ABCB4: variants seen among roughly 807,000 people sequenced by gnomAD.
ABCB4 encodes the protein phosphatidylcholine translocator ABCB4.
In ABCB4, 76 loss-of-function variants were observed where a neutral mutation model predicts 145.7. The ratio of observed to expected loss-of-function variants is 0.52; its 90% CI spans 0.43 to 0.63. ABCB4 has a LOEUF of 0.63. Ranked by LOEUF, ABCB4 falls within the 30% of genes least tolerant of loss-of-function variation. The probability of loss-of-function intolerance (pLI) is 0.00; values close to 1 mark genes in which losing one functional copy is unlikely to be tolerated. For synonymous variants in ABCB4, 517 were observed against 566.8 expected, an observed-to-expected ratio of 0.91 and a Z score of 1.25; for missense variants, 1,234 against 1,553.1, an observed-to-expected ratio of 0.79 and a Z score of 3.45.
chr7:87,370,307 C>T, the ABCB4 span, among the ~76,000 whole-genome samples: 5 of 152,248 alleles, frequency 3.3e-5, no homozygotes, highest in African/African-American at 9.6e-5. Flanking sequence ...CTCAGCCTCC[C>T]AAGTAGCTAG....
chr7:87,470,918 A>G (rs1034854222), intron 3 of ABCB4, among the ~76,000 whole-genome samples: 1 of 152,196 alleles, frequency 6.6e-6, no homozygotes, highest in Non-Finnish European at 1.5e-5. Context: ...CACATGCACA[A>G]GTATGTTTAT....
the ABCB4 span, chr7:87,375,260 T>G: frequency 5.4e-6 from 1 of 185,514 alleles, no homozygotes; most frequent in African/African-American, 2.4e-5. Context: ...AGATGTACAT[T>G]ATATTTGTGA....
the ABCB4 span, chr7:87,391,628 TTA>T: frequency 6.2e-7 from 1 of 1,608,052 alleles, no homozygotes; most frequent in Non-Finnish European, 8.5e-7. Flanking sequence ...CAAGACATTT[TTA>T]TCATGGCCGT....
chr7:87,431,286 A>T, intron 15 of ABCB4, 118 bp downstream of exon 15: 1 of 1,301,414 alleles, frequency 7.7e-7, no homozygotes, highest in Non-Finnish European at 1.1e-6. Context: ...ATACACTTTT[A>T]GGCATCTTGT....
At position 87,424,069 on chromosome 7, in the gene ABCB4, T is replaced by C; in HGVS notation, c.2065-17A>G. The C allele has an allele frequency of 1.9e-6, 3 of 1,613,920 alleles. No homozygotes were observed. Among genetic ancestry groups the C allele is most frequent in the Non-Finnish European group, 2.5e-6 (3 of 1,179,916 alleles). ...ATTTGCTTCCTAGAACATATAAACA[T>C]CAGGGCAAACTGGTGATGACACAAC... On this transcript the variant is annotated splice_polypyrimidine_tract_variant and intron_variant, in intron 16 of 27. Transcript: ENST00000649586.
Position 87,439,684 on chromosome 7 carries a change from G to A in ABCB4, c.1714C>T (p.Gln572Ter), listed in dbSNP as rs1458423947. The change falls in exon 14 of 28, where the codon CAG becomes TAG. Residue 572 changes from glutamine to a stop codon, truncating the protein, a stop_gained. Coordinates refer to ENST00000649586, the MANE Select transcript of ABCB4 (RefSeq NM_000443.4). LOFTEE classifies it high-confidence loss of function. ...CTACTGACCTTATCCAGAGCTGCCTGTACCTCAGCTTCACTTTCTGTGTCC... is the reference window on the plus strand; with the variant it reads ...CTACTGACCTTATCCAGAGCTGCCTATACCTCAGCTTCACTTTCTGTGTCC... The part of the protein sequence containing the change: ...ALDTESEAEV[Q>*]AALDKAREGR... 6.2e-7 allele frequency: 1 copy of A among 1,614,032 alleles called. No individual in the cohort carries two copies. The highest frequency in any genetic ancestry group is 8.5e-7 in the Non-Finnish European group (1 of 1,180,018).
At chr7:87,396,690 T>TA in the ABCB4 span, among the ~76,000 whole-genome samples, 109,743 of 148,934 alleles carry the variant, frequency 0.74, 40,321 homozygotes, top group Middle Eastern at 0.83. Flanking sequence ...ATGCTGATTG[T>TA]AAAAAAAAAA....
At chr7:87,461,012 G>A (rs1449673872) in intron 4 of ABCB4, among the ~76,000 whole-genome samples, 1 of 151,858 alleles carries the variant, frequency 6.6e-6, no homozygotes, top group Admixed American at 6.6e-5. Context: ...TGCCCAGGCT[G>A]TAGTGCAATG....
At chr7:87,428,198 C>T (rs1217626687) in intron 15 of ABCB4, among the ~76,000 whole-genome samples, 3 of 152,176 alleles carry the variant, frequency 2.0e-5, no homozygotes, top group African/African-American at 7.2e-5. Context: ...TAGCTTCCTT[C>T]TATGACCAAA....
chr7:87,440,985 C>A (rs45541342), intron 12 of ABCB4, among the ~76,000 whole-genome samples: 3 of 152,132 alleles, frequency 2.0e-5, no homozygotes, highest in Non-Finnish European at 4.4e-5. Context: ...CGTGACCGCC[C>A]GCCTTGGCCT....
chr7:87,369,654 A>G, the ABCB4 span: 4 of 300,592 alleles, frequency 1.3e-5, no homozygotes, highest in African/African-American at 6.6e-5. Context: ...TTATTTTTAA[A>G]TTTTACTAGA....
chr7:87,469,426 A>C (rs1331086165), intron 3 of ABCB4, among the ~76,000 whole-genome samples: 6 of 152,186 alleles, frequency 3.9e-5, no homozygotes, highest in Non-Finnish European at 7.4e-5. Context: ...AAGAGGAAGT[A>C]AAACTGTCCC....
chr7:87,450,379 A>ACTGTTTT (rs1301125336), intron 7 of ABCB4, among the ~76,000 whole-genome samples: 3 of 151,742 alleles, frequency 2.0e-5, no homozygotes, highest in Non-Finnish European at 4.4e-5. Context: ...TTCCACATCT[A>ACTGTTTT]CTGTTTTTCT....
In ABCB4 at chr7:87,475,409, G is replaced by T; in HGVS notation, c.57C>A (p.Gly19=). ...ACCTGCTGATGCCCAGTTCAAAGTCGCCCTCCGCGCTCGTGGGGCGCCAGG... is the reference window on the plus strand; with the variant it reads ...ACCTGCTGATGCCCAGTTCAAAGTCTCCCTCCGCGCTCGTGGGGCGCCAGG... The part of the protein sequence containing the change: ...GTAWRPTSAE[G]DFELGISSKQ... Residue 19 remains glycine (G), a synonymous_variant, in exon 2 of 28, where the codon GGC becomes GGA. Coordinates refer to ENST00000649586, the MANE Select transcript of ABCB4 (RefSeq NM_000443.4). 6.2e-7 allele frequency: 1 copy of T among 1,614,212 alleles called. No homozygotes were observed. The highest frequency in any genetic ancestry group is 2.2e-5 in the East Asian group (1 of 44,876).
chr7:87,384,905 T>C, the ABCB4 span, among the ~76,000 whole-genome samples: 4 of 152,204 alleles, frequency 2.6e-5, no homozygotes. Flanking sequence ...TAAGAGATAG[T>C]GGTCCAGTTT....
intron 3 of ABCB4, among the ~76,000 whole-genome samples, chr7:87,468,628 A>C (rs1458628285): frequency 6.6e-6 from 1 of 152,196 alleles, no homozygotes; most frequent in African/African-American, 2.4e-5. Flanking sequence ...CAATGCAAAA[A>C]TCCTCAATAA....
In ABCB4 at chr7:87,413,625, T is replaced by A; in HGVS notation, c.2775A>T (p.Gly925=). 6.3e-7 allele frequency: 1 copy of A among 1,594,584 alleles called. No homozygotes were observed. Residue 925 remains glycine (G), a synonymous_variant, in exon 22 of 28, where the codon GGA becomes GGT. Coordinates refer to ENST00000649586, the MANE Select transcript of ABCB4 (RefSeq NM_000443.4). The part of the protein sequence containing the change: ...FESMYVEKLY[G]PYRNSVQKAH... ...ATCATATGGTTCATTACCTGTAAGGTCCATACAATTTTTCAACATACATTG... is the reference window on the plus strand; with the variant it reads ...ATCATATGGTTCATTACCTGTAAGGACCATACAATTTTTCAACATACATTG...
At chr7:87,404,950 A>G (rs1808071106) in intron 26 of ABCB4, among the ~76,000 whole-genome samples, 1 of 152,230 alleles carries the variant, frequency 6.6e-6, no homozygotes, top group African/African-American at 2.4e-5. Flanking sequence ...ACTCTGGAAA[A>G]CAGTTTAGCA....
chr7:87,382,432 C>A, the ABCB4 span: 2 of 1,613,030 alleles, frequency 1.2e-6, no homozygotes, highest in South Asian at 1.1e-5. Flanking sequence ...CTACAGATTG[C>A]GGCTTATGCC....
Sources: gnomAD v4.1 joint callset for allele counts (sites outside exome capture counted in the v4.1 genomes callset) on GRCh38, gnomAD v4.1.1 for gene constraint, MANE v1.5 for transcripts, NCBI Gene and HGNC (gene_info 2026-07-23, HGNC 2026-07-21) for gene names.